GRIN2A: variants seen among roughly 807,000 people sequenced by gnomAD.
GRIN2A encodes the protein glutamate receptor ionotropic, NMDA 2A.
A neutral mutation model predicts 113.4 loss-of-function variants in GRIN2A; 22 were observed. The observed-to-expected ratio is 0.19, with a 90% CI of 0.14 to 0.28. The LOEUF (loss-of-function observed/expected upper bound fraction) is 0.28, where lower values mean the gene tolerates loss of function less well. GRIN2A is among the 10% of genes least tolerant of loss of function. GRIN2A has a pLI of 1.00. For missense variants in GRIN2A, 1,502 were observed against 1,887.0 expected, an observed-to-expected ratio of 0.80 and a Z score of 3.78; for synonymous variants, 827 against 738.4, an observed-to-expected ratio of 1.12 and a Z score of -1.94.
intron 2 of GRIN2A, among the ~76,000 whole-genome samples, chr16:9,965,580 A>G (rs913907015): frequency 6.6e-5 from 10 of 152,222 alleles, no homozygotes; most frequent in African/African-American, 2.4e-4. Flanking sequence ...AAGAGATGGC[A>G]GGCTCCATGA....
chr16:10,020,411 C>T (rs1409736637), intron 2 of GRIN2A, among the ~76,000 whole-genome samples: 1 of 152,152 alleles, frequency 6.6e-6, no homozygotes, highest in Non-Finnish European at 1.5e-5. Context: ...CCAAGATGTT[C>T]AGAAGTCAAT....
intron 2 of GRIN2A, among the ~76,000 whole-genome samples, chr16:10,003,244 G>C (rs1951929217): frequency 6.6e-6 from 1 of 152,180 alleles, no homozygotes; most frequent in African/African-American, 2.4e-5. Context: ...CCTGGATTCT[G>C]ATTCCAATGG....
chr16:10,174,138 T>C (rs558645671), intron 2 of GRIN2A, among the ~76,000 whole-genome samples: 4 of 152,192 alleles, frequency 2.6e-5, no homozygotes, highest in Admixed American at 2.6e-4. Flanking sequence ...TCAATGTCCA[T>C]CCAGGGAAAA....
intron 2 of GRIN2A, among the ~76,000 whole-genome samples, chr16:9,968,830 C>G (rs974415426): frequency 2.0e-5 from 3 of 152,096 alleles, no homozygotes; most frequent in African/African-American, 7.2e-5. Flanking sequence ...TGGTCTCAAA[C>G]TCCCAACCTC....
chr16:9,778,578 G>A (rs1199543765), intron 11 of GRIN2A, among the ~76,000 whole-genome samples: 1 of 152,212 alleles, frequency 6.6e-6, no homozygotes, highest in East Asian at 1.9e-4. Flanking sequence ...GCTGTTTTGA[G>A]AGCCACTGGC....
At chr16:10,015,273 A>G (rs1247617300) in intron 2 of GRIN2A, among the ~76,000 whole-genome samples, 2 of 107,218 alleles carry the variant, frequency 1.9e-5, no homozygotes, top group Non-Finnish European at 3.8e-5. Flanking sequence ...AAAAAAAAAG[A>G]AAAAAAAAAA....
intron 2 of GRIN2A, among the ~76,000 whole-genome samples, chr16:10,010,607 A>T (rs966439201): frequency 2.0e-5 from 3 of 152,158 alleles, no homozygotes; most frequent in African/African-American, 7.2e-5. Context: ...GGTACTTCAT[A>T]GGTTCATAAA....
intron 2 of GRIN2A, among the ~76,000 whole-genome samples, chr16:9,957,809 C>G (rs985047040): frequency 6.6e-6 from 1 of 152,160 alleles, no homozygotes; most frequent in South Asian, 2.1e-4. Context: ...TTGAACCTCA[C>G]CTGAGAACTC....
intron 10 of GRIN2A, 70 bp downstream of exon 10, chr16:9,822,194 T>G: frequency 5.4e-6 from 8 of 1,479,784 alleles, no homozygotes; most frequent in Non-Finnish European, 7.6e-6. Flanking sequence ...AACTGAGGCA[T>G]GCCGAGAGTC....
chr16:10,072,946 C>CTT (rs34432023), intron 2 of GRIN2A, among the ~76,000 whole-genome samples: 4,124 of 104,082 alleles, frequency 0.04, 252 homozygotes, highest in African/African-American at 0.11. Context: ...ACAAGACCCC[C>CTT]TTTTTTTTTT....
intron 2 of GRIN2A, 91 bp downstream of exon 2, chr16:10,179,895 CTTCACATCAAGA>C: frequency 2.5e-6 from 2 of 808,170 alleles, no homozygotes; most frequent in Non-Finnish European, 2.1e-6. Context: ...CCCACCCCCA[CTTCACATCAAGA>C]CAGATTCTAG....
chr16:10,062,178 T>C (rs2047560902), intron 2 of GRIN2A, among the ~76,000 whole-genome samples: 1 of 152,174 alleles, frequency 6.6e-6, no homozygotes, highest in Non-Finnish European at 1.5e-5. Flanking sequence ...AGTATCCACT[T>C]CTACCTAAGG....
At chr16:10,181,468 G>C (rs761680205) in intron 1 of GRIN2A, 1 of 152,574 alleles carries the variant, frequency 6.6e-6, no homozygotes, top group South Asian at 2.1e-4. Context: ...TCATAGGCAC[G>C]CGCGCTTTTC....
At chr16:10,048,652 C>G (rs1215534286) in intron 2 of GRIN2A, among the ~76,000 whole-genome samples, 1 of 152,144 alleles carries the variant, frequency 6.6e-6, no homozygotes, top group Non-Finnish European at 1.5e-5. Context: ...CTAACATAGC[C>G]CAGGTCTGTG....
chr16:9,957,620 G>A (rs1254569882), intron 2 of GRIN2A, among the ~76,000 whole-genome samples: 2 of 152,168 alleles, frequency 1.3e-5, no homozygotes, highest in Non-Finnish European at 2.9e-5. Context: ...TAATAGGAAG[G>A]GAGATTACCC....
intron 2 of GRIN2A, among the ~76,000 whole-genome samples, chr16:10,081,722 G>A (rs960036516): frequency 2.6e-5 from 4 of 152,186 alleles, no homozygotes; most frequent in African/African-American, 9.7e-5. Context: ...CATGAGACAA[G>A]CTTTTTGGAG....
At chr16:10,144,958 A>AGAAAATGT (rs3042330) in intron 2 of GRIN2A, among the ~76,000 whole-genome samples, 11,455 of 148,180 alleles carry the variant, frequency 0.077, 509 homozygotes, top group South Asian at 0.099. Context: ...GAATGAATAA[A>AGAAAATGT]GAAAATGTGA....
intron 2 of GRIN2A, among the ~76,000 whole-genome samples, chr16:10,019,256 G>C (rs1567237608): frequency 6.6e-6 from 1 of 152,156 alleles, no homozygotes; most frequent in Non-Finnish European, 1.5e-5. Context: ...ATTTGACACA[G>C]TGTCTGGCAT....
intron 2 of GRIN2A, among the ~76,000 whole-genome samples, chr16:9,979,785 C>CTATATATACATATATATATATA (rs2045852868): frequency 8.2e-6 from 1 of 122,348 alleles, no homozygotes; most frequent in Non-Finnish European, 1.7e-5. Context: ...GACTATGGGA[C>CTATATATACATATATATATATA]TATATATATA....
Sources: allele counts gnomAD v4.1 joint callset (sites outside exome capture counted in the v4.1 genomes callset), GRCh38; gene constraint gnomAD v4.1.1; transcripts MANE v1.5; gene names NCBI Gene and HGNC (gene_info 2026-07-23, HGNC 2026-07-21).